Variants in DIAPH2 observed in about 807,000 individuals in gnomAD.
The protein encoded by DIAPH2 is protein diaphanous homolog 2.
In DIAPH2, 35 loss-of-function variants were observed where a neutral mutation model predicts 92.7. The ratio of observed to expected loss-of-function variants is 0.38; its 90% CI spans 0.29 to 0.50. The LOEUF (loss-of-function observed/expected upper bound fraction) is 0.50. Ranked by LOEUF, DIAPH2 falls within the 20% of genes least tolerant of loss-of-function variation. DIAPH2 has a pLI of 0.94. For synonymous variants in DIAPH2, 301 were observed against 280.4 expected (o/e 1.07, Z -0.73); for missense variants, 701 against 819.5 (o/e 0.86, Z 1.77).
intron 4 of DIAPH2, among the ~76,000 whole-genome samples, chrX:96,875,847 G>A (rs1288921441): frequency 2.7e-5 from 3 of 111,267 alleles, no homozygotes; most frequent in Non-Finnish European, 3.8e-5. Context: ...CAGGACATAG[G>A]CATGGGCAAG....
chrX:96,982,664 A>G (rs972157379), intron 17 of DIAPH2, among the ~76,000 whole-genome samples: 3 of 112,202 alleles, frequency 2.7e-5, no homozygotes, highest in Non-Finnish European at 5.6e-5. Context: ...GCAGAATCAG[A>G]TCACATCCCT....
chrX:96,900,152 G>A (rs1359965304), intron 5 of DIAPH2, among the ~76,000 whole-genome samples: 3 of 111,888 alleles, frequency 2.7e-5, no homozygotes, highest in Non-Finnish European at 5.6e-5. Context: ...ATTTCTTTCA[G>A]CAGTGTTTCG....
At chrX:97,372,253 C>T (rs189631888) in intron 24 of DIAPH2, among the ~76,000 whole-genome samples, 1 of 111,860 alleles carries the variant, frequency 8.9e-6, no homozygotes, top group Non-Finnish European at 1.9e-5. Flanking sequence ...GGTGCATGAC[C>T]GCTTTGTAAC....
chrX:96,894,521 T>A (rs892681217), intron 5 of DIAPH2, among the ~76,000 whole-genome samples: 1 of 111,965 alleles, frequency 8.9e-6, no homozygotes, highest in Non-Finnish European at 1.9e-5. Context: ...ATATAGAGAA[T>A]GCTTAAGAAT....
chrX:96,689,921 A>G (rs749151370), intron 1 of DIAPH2, among the ~76,000 whole-genome samples: 10 of 110,788 alleles, frequency 9.0e-5, no homozygotes, highest in Admixed American at 7.7e-4. Flanking sequence ...TCCCCTATAT[A>G]CCAGGTATTT....
At chrX:97,385,480 C>G (rs752562582) in intron 25 of DIAPH2, among the ~76,000 whole-genome samples, 2 of 111,462 alleles carry the variant, frequency 1.8e-5, no homozygotes, top group African/African-American at 6.5e-5. Flanking sequence ...ATCCACCCAC[C>G]TCGGCCTCCC....
At chrX:97,222,395 G>T (rs2067932961) in intron 22 of DIAPH2, among the ~76,000 whole-genome samples, 1 of 111,677 alleles carries the variant, frequency 9.0e-6, no homozygotes, top group South Asian at 3.8e-4. Context: ...GTAGAGACGG[G>T]GTTTCACCAT....
chrX:97,264,791 C>G (rs897237076), intron 23 of DIAPH2, among the ~76,000 whole-genome samples: 1 of 111,488 alleles, frequency 9.0e-6, no homozygotes, highest in Non-Finnish European at 1.9e-5. Flanking sequence ...CAATACCAGC[C>G]TGGCCAAGAT....
At chrX:96,837,811 T>C in intron 4 of DIAPH2, among the ~76,000 whole-genome samples, 1 of 111,824 alleles carries the variant, frequency 8.9e-6, no homozygotes, top group East Asian at 2.8e-4. Flanking sequence ...TTTAGATTGT[T>C]CATGTGTGGC....
At chrX:96,812,393 T>G (rs2064691187) in intron 4 of DIAPH2, among the ~76,000 whole-genome samples, 1 of 111,857 alleles carries the variant, frequency 8.9e-6, no homozygotes, top group African/African-American at 3.3e-5. Flanking sequence ...TTATTGCATC[T>G]ATTCAATTCT....
At chrX:96,864,648 C>T in intron 4 of DIAPH2, among the ~76,000 whole-genome samples, 1 of 111,796 alleles carries the variant, frequency 8.9e-6, no homozygotes, top group South Asian at 3.8e-4. Context: ...TGTGTTAAAT[C>T]CCCAAACTAA....
At chrX:97,050,001 C>T (rs2066508809) in intron 17 of DIAPH2, among the ~76,000 whole-genome samples, 1 of 110,884 alleles carries the variant, frequency 9.0e-6, no homozygotes, top group African/African-American at 3.3e-5. Context: ...ACTATTAGAC[C>T]AGCTTGTCAG....
chrX:96,998,644 T>A (rs2066121177), intron 17 of DIAPH2, among the ~76,000 whole-genome samples: 1 of 111,987 alleles, frequency 8.9e-6, no homozygotes, highest in Non-Finnish European at 1.9e-5. Flanking sequence ...CTTCACTTGC[T>A]TTATTTGTTC....
At chrX:96,913,187 A>T (rs1011223094) in intron 7 of DIAPH2, among the ~76,000 whole-genome samples, 1 of 111,241 alleles carries the variant, frequency 9.0e-6, no homozygotes, top group Admixed American at 9.6e-5. Context: ...AGGGTGAGCT[A>T]GTCAATGAAA....
At chrX:96,749,480 T>C (rs995100225) in intron 3 of DIAPH2, among the ~76,000 whole-genome samples, 5 of 110,823 alleles carry the variant, frequency 4.5e-5, no homozygotes, top group African/African-American at 1.6e-4. Context: ...AATTGAAACA[T>C]AAATCTGACA....
intron 23 of DIAPH2, among the ~76,000 whole-genome samples, chrX:97,276,270 A>G (rs2068450969): frequency 9.0e-6 from 1 of 111,601 alleles, no homozygotes; most frequent in South Asian, 3.8e-4. Flanking sequence ...GACCGTGGGG[A>G]GAGGGACAGG....
intron 21 of DIAPH2, among the ~76,000 whole-genome samples, chrX:97,141,426 T>C (rs1214076374): frequency 2.7e-5 from 3 of 111,526 alleles, no homozygotes; most frequent in African/African-American, 9.7e-5. Flanking sequence ...CACAATAATT[T>C]AGACATTTTT....
chrX:97,146,797 A>G (rs1310853372), intron 22 of DIAPH2, among the ~76,000 whole-genome samples: 1 of 111,916 alleles, frequency 8.9e-6, no homozygotes, highest in Non-Finnish European at 1.9e-5. Flanking sequence ...TTACATTAAA[A>G]CAGATATGTA....
At chrX:97,375,869 G>A (rs1667134494) in intron 24 of DIAPH2, among the ~76,000 whole-genome samples, 1 of 111,489 alleles carries the variant, frequency 9.0e-6, no homozygotes, top group African/African-American at 3.3e-5. Flanking sequence ...CAGTAAAGAT[G>A]GGAAAAGTAT....
Sources: gnomAD v4.1 joint callset for allele counts (sites outside exome capture counted in the v4.1 genomes callset) on GRCh38, gnomAD v4.1.1 for gene constraint, MANE v1.5 for transcripts, NCBI Gene and HGNC (gene_info 2026-07-23, HGNC 2026-07-21) for gene names.